LSP1: variants seen among roughly 807,000 people sequenced by gnomAD.
The protein encoded by LSP1 is lymphocyte specific protein 1.
Under a neutral mutation model 49.3 loss-of-function variants are expected in LSP1, and 32 were observed. The ratio of observed to expected loss-of-function variants is 0.65; its 90% CI spans 0.49 to 0.87. The LOEUF is 0.87. Ranked by LOEUF, LSP1 falls within the 40% of genes least tolerant of loss-of-function variation. The pLI is 0.00. For missense variants in LSP1, 428 were observed against 442.6 expected (o/e 0.97, Z 0.30); for synonymous variants, 179 against 178.8 (o/e 1.00, Z -0.01).
intron 10 of LSP1, chr11:1,889,924 G>T (rs1229216109): frequency 1.1e-5 from 7 of 629,630 alleles, no homozygotes; most frequent in Middle Eastern, 2.5e-4. Context: ...GGGACCAGGG[G>T]CTGGGCCCTG....
chr11:1,861,746 GA>G (rs1847639442), intron 1 of LSP1, among the ~76,000 whole-genome samples: 1 of 147,148 alleles, frequency 6.8e-6, no homozygotes, highest in African/African-American at 2.5e-5. Flanking sequence ...TGGATTGGTG[GA>G]TGAGTGGATG....
intron 10 of LSP1, chr11:1,889,811 C>A: frequency 1.6e-6 from 1 of 638,516 alleles, no homozygotes; most frequent in Non-Finnish European, 2.9e-6. Flanking sequence ...CCTCTCTGGG[C>A]ACTGAGGCCT....
In LSP1 at chr11:1,854,179, C is replaced by T. The variant is rs117537231; in HGVS notation, c.53+982C>T. Among the ~76,000 whole-genome samples the T allele has an allele frequency of 2.9e-4, 44 of 152,102 alleles. No individual in the cohort carries two copies. In the South Asian group the frequency reaches 5.6e-3, roughly 19 times the overall value. On this transcript the variant is annotated intron_variant, in intron 1 of 10. Coordinates refer to ENST00000311604, the MANE Select transcript of LSP1 (RefSeq NM_002339.3). ...GGGATCCGGTGCTGGGGATAGAGGC[C>T]GGCCTAGGAGCAGGTCAGCGGGGGC...
intron 10 of LSP1, chr11:1,890,427 C>A: frequency 1.4e-6 from 1 of 717,250 alleles, no homozygotes; most frequent in Non-Finnish European, 2.6e-6. Context: ...GAGGTGTGTG[C>A]CTCCCATCAT....
At chr11:1,891,090 C>A in intron 10 of LSP1, 1 of 158,102 alleles carries the variant, frequency 6.3e-6, no homozygotes, top group Admixed American at 5.9e-5. Flanking sequence ...CCGCTGCGAG[C>A]CAGCGGTGAG....
chr11:1,858,003 G>A (rs1404246115), intron 1 of LSP1, among the ~76,000 whole-genome samples: 2 of 152,034 alleles, frequency 1.3e-5, no homozygotes, highest in African/African-American at 2.4e-5. Flanking sequence ...TGATCCACCC[G>A]CCCCAGCCTC....
intron 1 of LSP1, among the ~76,000 whole-genome samples, chr11:1,855,651 C>T (rs934819626): frequency 5.3e-5 from 8 of 152,328 alleles, no homozygotes; most frequent in African/African-American, 7.2e-5. Flanking sequence ...GTCCAGGCTC[C>T]GCTTCGGCTA....
At chr11:1,862,819 C>T (rs1302944797) in intron 1 of LSP1, among the ~76,000 whole-genome samples, 2 of 151,822 alleles carry the variant, frequency 1.3e-5, no homozygotes, top group African/African-American at 4.8e-5. Flanking sequence ...CCCAGGTAAT[C>T]TTGCCTCCTC....
At chr11:1,860,122 G>A (rs1847587844) in intron 1 of LSP1, among the ~76,000 whole-genome samples, 1 of 152,170 alleles carries the variant, frequency 6.6e-6, no homozygotes, top group African/African-American at 2.4e-5. Flanking sequence ...TGGGCCATGA[G>A]CTTATGAACC....
chr11:1,864,808 G>A (rs886759768), intron 1 of LSP1, among the ~76,000 whole-genome samples: 1 of 151,770 alleles, frequency 6.6e-6, no homozygotes, highest in Non-Finnish European at 1.5e-5. Flanking sequence ...CGAAGGGAGG[G>A]ACCAGGCTGC....
At chr11:1,886,378 G>A (rs1429774945) in intron 7 of LSP1, among the ~76,000 whole-genome samples, 2 of 151,668 alleles carry the variant, frequency 1.3e-5, no homozygotes, top group Non-Finnish European at 2.9e-5. Context: ...TCTAATCAAT[G>A]CTCCTCCATC....
At chr11:1,872,047 TATA>T (rs1347783457) in intron 1 of LSP1, among the ~76,000 whole-genome samples, 7 of 137,884 alleles carry the variant, frequency 5.1e-5, no homozygotes, top group African/African-American at 1.1e-4. Context: ...AGGCCTGGGC[TATA>T]GTCACCCTGG....
Position 1,883,426 on chromosome 11 carries a change from C to T in LSP1, c.364C>T (p.Leu122=). The T allele has an allele frequency of 6.2e-7, 1 of 1,614,048 alleles. No homozygotes were observed. Among genetic ancestry groups the T allele is most frequent in the Non-Finnish European group, 8.5e-7 (1 of 1,179,994 alleles). The change falls in exon 4 of 11, where the codon CTG becomes TTG. Residue 122 remains leucine, a synonymous_variant. Transcript: ENST00000311604. ...PEGEQEDRPG[L]HAYEKEDSDE... ...CTCCCTTTCCACCCACAGGCCCGGC[C>T]TGCATGCCTACGAAAAGGAGGACAG... is the stretch of plus-strand genomic sequence containing the variant.
At chr11:1,873,982 C>T (rs1423643200) in intron 1 of LSP1, among the ~76,000 whole-genome samples, 4 of 115,210 alleles carry the variant, frequency 3.5e-5, no homozygotes, top group African/African-American at 7.3e-5. Flanking sequence ...GGAGGGAGGC[C>T]GGCGGAGGAG....
chr11:1,887,840 T>A (rs916443514), intron 10 of LSP1, among the ~76,000 whole-genome samples: 1 of 152,136 alleles, frequency 6.6e-6, no homozygotes, highest in Non-Finnish European at 1.5e-5. Flanking sequence ...AAGGCTCCCA[T>A]CTGGGACTCC....
At position 1,855,445 on chromosome 11, in the gene LSP1, A is replaced by C. The variant is rs568556450; in HGVS notation, c.53+2248A>C. Among the ~76,000 whole-genome samples the C allele has an allele frequency of 3.3e-5, 5 of 152,288 alleles. No individual in the cohort carries two copies. In the East Asian group the frequency reaches 9.7e-4, roughly 29 times the overall value. ...TCAACACTAGGTCCAGGGCAGGCCA[A>C]GCCCCTCCAGCTGGACAAGTGGGTC... On this transcript the variant is annotated intron_variant, in intron 1 of 10. Coordinates refer to ENST00000311604, the MANE Select transcript of LSP1 (RefSeq NM_002339.3).
Position 1,889,797 on chromosome 11 carries a change from C to T in LSP1, c.*14-1976C>T, listed in dbSNP as rs1180095683. 3.9e-5 allele frequency: 25 copies of T among 643,836 alleles called. 2 individuals are homozygous for T. Among genetic ancestry groups the T allele is most frequent in the Non-Finnish European group, 6.5e-5 (23 of 351,724 alleles). The allele number at this position is 643,836 out of a possible 1,614,324, so 39.9% of individuals were successfully genotyped here. A position where few individuals can be genotyped will look rare whatever the true frequency, so the allele number is the denominator to read the frequency against. ...GGCTATGGGCACCACAACCCTGGCA[C>T]TAGCCTCTCTGGGCACTGAGGCCTG... On this transcript the variant is annotated intron_variant, in intron 10 of 10. Transcript: ENST00000311604.
chr11:1,857,574 G>A (rs1225145582), intron 1 of LSP1, among the ~76,000 whole-genome samples: 1 of 152,214 alleles, frequency 6.6e-6, no homozygotes, highest in East Asian at 1.9e-4. Context: ...CCACTGCTGG[G>A]GCGGCGGGAG....
intron 10 of LSP1, chr11:1,890,770 T>C: frequency 1.7e-6 from 1 of 597,504 alleles, no homozygotes; most frequent in Non-Finnish European, 3.0e-6. Flanking sequence ...CTTGGGGACT[T>C]TGGGGTGGCC....
Sources: gnomAD v4.1 joint callset for allele counts (sites outside exome capture counted in the v4.1 genomes callset) on GRCh38, gnomAD v4.1.1 for gene constraint, MANE v1.5 for transcripts, NCBI Gene and HGNC (gene_info 2026-07-23, HGNC 2026-07-21) for gene names.